PDE4D: variants seen among roughly 807,000 people sequenced by gnomAD.
PDE4D encodes the protein phosphodiesterase 4D, also known as 3',5'-cyclic-AMP phosphodiesterase 4D.
In PDE4D, 24 loss-of-function variants were observed where a neutral mutation model predicts 87.4. The ratio of observed to expected loss-of-function variants is 0.27; its 90% CI spans 0.20 to 0.39. The LOEUF is 0.39. Among genes scored for constraint, PDE4D ranks in the 10% least tolerant of loss-of-function variants. The probability of loss-of-function intolerance (pLI) is 1.00; values close to 1 mark genes in which losing one functional copy is unlikely to be tolerated. For synonymous variants in PDE4D, 384 were observed against 383.2 expected (o/e 1.00, Z -0.02); for missense variants, 714 against 1,041.0 (o/e 0.69, Z 4.32).
chr5:60,222,438 G>T (rs1354367018), intron 1 of PDE4D, among the ~76,000 whole-genome samples: 1 of 152,086 alleles, frequency 6.6e-6, no homozygotes. Context: ...AAATTGAAAT[G>T]ATACGTGTTT....
Position 59,748,201 on chromosome 5 carries a change from A to C in PDE4D, c.455+144967T>G, listed in dbSNP as rs570481983. On this transcript the variant is annotated intron_variant, in intron 1 of 14. Coordinates refer to ENST00000340635, the MANE Select transcript of PDE4D (RefSeq NM_001104631.2). Reference sequence around the variant, plus strand: ...GGCAGAGTAATAGTGTGTTGCTGCCAAGTCTGGGTCATAAAAGTCGTTGTG... The same window carrying C: ...GGCAGAGTAATAGTGTGTTGCTGCCCAGTCTGGGTCATAAAAGTCGTTGTG... 1.5e-3 allele frequency among the ~76,000 whole-genome samples: 230 copies of C among 152,270 alleles called. 1 individual carries two copies. Among genetic ancestry groups the C allele is most frequent in the African/African-American group, 5.4e-3 (224 of 41,566 alleles).
At chr5:60,396,278 G>C (rs1160322335) in intron 1 of PDE4D, among the ~76,000 whole-genome samples, 1 of 152,208 alleles carries the variant, frequency 6.6e-6, no homozygotes, top group Non-Finnish European at 1.5e-5. Flanking sequence ...TCTAATGAGA[G>C]GAGTAAAAAT....
chr5:60,043,517 G>C (rs1346581043), intron 2 of PDE4D, among the ~76,000 whole-genome samples: 2 of 152,054 alleles, frequency 1.3e-5, no homozygotes, highest in Non-Finnish European at 2.9e-5. Context: ...GGTCGAAATG[G>C]AGGAAAAAAT....
At chr5:59,842,179 G>A (rs534490645) in intron 1 of PDE4D, among the ~76,000 whole-genome samples, 5 of 152,082 alleles carry the variant, frequency 3.3e-5, no homozygotes, top group African/African-American at 1.2e-4. Flanking sequence ...AGGTGAGTTC[G>A]GAGGCAGAGA....
intron 3 of PDE4D, among the ~76,000 whole-genome samples, chr5:59,936,935 T>C (rs951414342): frequency 2.6e-5 from 4 of 152,224 alleles, no homozygotes; most frequent in Non-Finnish European, 4.4e-5. Flanking sequence ...TCCTCCATCA[T>C]GTAGTTCAAA....
chr5:58,975,143 T>A lies in PDE4D; in HGVS notation c.2014-63A>T. ...GGGACTAAGAAACAATGGAAAAGCT[T>A]AATTAGATCATGGCCCACAAATAAA... is the stretch of plus-strand genomic sequence containing the variant. On this transcript the variant is annotated intron_variant, in intron 14 of 14. Transcript: ENST00000340635. The surrounding 1 kb of genome is among the most constrained non-coding windows in gnomAD (Gnocchi z 4.2). 1.0e-6 allele frequency: 1 copy of A among 978,492 alleles called. No individual in the cohort carries two copies. Among genetic ancestry groups the A allele is most frequent in the Non-Finnish European group, 1.4e-6 (1 of 702,200 alleles). 60.6% of individuals were successfully genotyped at this position (978,492 alleles called of 1,614,324 possible). A position where few individuals can be genotyped will look rare whatever the true frequency, so the allele number is the denominator to read the frequency against.
intron 1 of PDE4D, among the ~76,000 whole-genome samples, chr5:59,847,415 G>C (rs950611534): frequency 3.3e-5 from 5 of 151,980 alleles, no homozygotes; most frequent in African/African-American, 1.2e-4. Context: ...TAACTGACAG[G>C]GTCTTTGGCT....
At chr5:59,785,424 G>T (rs553739830) in intron 1 of PDE4D, among the ~76,000 whole-genome samples, 1 of 152,256 alleles carries the variant, frequency 6.6e-6, no homozygotes. Context: ...CACCTACTAG[G>T]TTCTAAGAAT....
At chr5:60,415,280 G>GTGACAGCATGC (rs1308731004) in intron 1 of PDE4D, among the ~76,000 whole-genome samples, 1 of 152,238 alleles carries the variant, frequency 6.6e-6, no homozygotes, top group Non-Finnish European at 1.5e-5. Context: ...CTATTAAGAG[G>GTGACAGCATGC]TGACAGCATG....
In PDE4D at chr5:59,654,034, C is replaced by T. The variant is rs1743964799; in HGVS notation, c.455+239134G>A. On this transcript the variant is annotated intron_variant, in intron 1 of 14. Coordinates refer to ENST00000340635, the MANE Select transcript of PDE4D (RefSeq NM_001104631.2). ...CAGCCTGCACAACCTGGTGGAACAC[C>T]GTCTCTACAAAATATGTAAAAATTA... 2.0e-5 allele frequency among the ~76,000 whole-genome samples: 3 copies of T among 152,086 alleles called. No individual in the cohort carries two copies. The South Asian group carries it at 6.2e-4, about 32-fold the overall frequency.
chr5:60,197,636 A>G (rs1269823199), intron 1 of PDE4D, among the ~76,000 whole-genome samples: 1 of 151,650 alleles, frequency 6.6e-6, no homozygotes, highest in Non-Finnish European at 1.5e-5. Flanking sequence ...AGCACCAAGT[A>G]AGTCAGGAAG....
chr5:59,548,243 A>C (rs979384903), intron 1 of PDE4D, among the ~76,000 whole-genome samples: 1 of 152,230 alleles, frequency 6.6e-6, no homozygotes, highest in East Asian at 1.9e-4. Flanking sequence ...GTATTTCACC[A>C]CATGAATATT....
chr5:60,318,590 T>C (rs979857634), intron 1 of PDE4D, among the ~76,000 whole-genome samples: 2 of 152,228 alleles, frequency 1.3e-5, no homozygotes, highest in African/African-American at 2.4e-5. Flanking sequence ...TGATGGTCTT[T>C]ACAATTTGGC....
chr5:59,563,103 G>T (rs1256295661), intron 1 of PDE4D, among the ~76,000 whole-genome samples: 1 of 152,200 alleles, frequency 6.6e-6, no homozygotes, highest in East Asian at 1.9e-4. Flanking sequence ...CTCCAAGCTG[G>T]CAGGGCCCCT....
chr5:59,801,628 C>T (rs531017721), intron 1 of PDE4D, among the ~76,000 whole-genome samples: 4 of 152,250 alleles, frequency 2.6e-5, no homozygotes, highest in South Asian at 4.1e-4. Flanking sequence ...AGAGTCATTA[C>T]AACCAGAATG....
intron 1 of PDE4D, among the ~76,000 whole-genome samples, chr5:59,632,821 CTCT>C (rs1213222961): frequency 3.3e-5 from 5 of 152,124 alleles, no homozygotes; most frequent in Admixed American, 2.0e-4. Flanking sequence ...AACAGAATGC[CTCT>C]TCTTCTCCGA....
chr5:59,273,347 G>A (rs1764204955), intron 1 of PDE4D, among the ~76,000 whole-genome samples: 1 of 151,936 alleles, frequency 6.6e-6, no homozygotes, highest in South Asian at 2.1e-4. Flanking sequence ...GTATGTATGT[G>A]TATACATATA....
chr5:59,077,377 C>T (rs1169405545), intron 5 of PDE4D, among the ~76,000 whole-genome samples: 1 of 151,902 alleles, frequency 6.6e-6, no homozygotes, highest in Non-Finnish European at 1.5e-5. Flanking sequence ...CTTATTTCTC[C>T]ATAATTTGTT....
At chr5:59,519,183 G>A (rs1811738987) in intron 1 of PDE4D, among the ~76,000 whole-genome samples, 1 of 151,882 alleles carries the variant, frequency 6.6e-6, no homozygotes, top group African/African-American at 2.4e-5. Context: ...CCTATTATGT[G>A]ACAGGTACCA....
Sources: allele counts gnomAD v4.1 joint callset (sites outside exome capture counted in the v4.1 genomes callset), GRCh38; gene constraint gnomAD v4.1.1; non-coding constraint Gnocchi (gnomAD v3.1); transcripts MANE v1.5; gene names NCBI Gene and HGNC (gene_info 2026-07-23, HGNC 2026-07-21).